Variants in RNF168 observed in about 807,000 individuals in gnomAD.
The protein encoded by RNF168 is ring finger protein 168, also known as E3 ubiquitin-protein ligase RNF168.
In RNF168, 34 loss-of-function variants were observed where a neutral mutation model predicts 34.9. The observed-to-expected ratio is 0.97, with a 90% CI of 0.74 to 1.30. The LOEUF is 1.30. RNF168 is among the 50% of genes most tolerant of loss of function. The pLI, the probability that RNF168 is intolerant of heterozygous loss-of-function variation, is 0.00. For synonymous variants in RNF168, 264 were observed against 254.7 expected (o/e 1.04, Z -0.35); for missense variants, 725 against 682.5 (o/e 1.06, Z -0.69).
chr3:196,486,768 T>C (rs766967338), intron 3 of RNF168, among the ~76,000 whole-genome samples: 4 of 152,340 alleles, frequency 2.6e-5, no homozygotes, highest in Admixed American at 6.5e-5. Flanking sequence ...ATAGCTTTCC[T>C]ACATATAAAA....
chr3:196,476,005 G>A (rs574375074), intron 4 of RNF168, among the ~76,000 whole-genome samples: 3 of 151,180 alleles, frequency 2.0e-5, no homozygotes, highest in African/African-American at 4.9e-5. Context: ...GATTACAGGC[G>A]CCCGCCACCA....
intron 4 of RNF168, among the ~76,000 whole-genome samples, chr3:196,482,232 T>C (rs1292837063): frequency 6.6e-6 from 1 of 152,176 alleles, no homozygotes; most frequent in East Asian, 1.9e-4. Flanking sequence ...CAACAAGTTG[T>C]TTAGAAATTT....
intron 3 of RNF168, 43 bp downstream of exon 3, chr3:196,487,356 A>T (rs766767442): frequency 2.6e-6 from 4 of 1,521,280 alleles, no homozygotes; most frequent in Non-Finnish European, 3.7e-6. Context: ...AGCAGCGCAT[A>T]CCAAGGGATG....
At position 196,475,551 on chromosome 3, in the gene RNF168, TC is replaced by T. The variant is rs1459189190; in HGVS notation, c.681-240del. On this transcript the variant is annotated intron_variant, in intron 4 of 5. Coordinates refer to ENST00000318037, the MANE Select transcript of RNF168 (RefSeq NM_152617.4). ...GTAAAAGTCAAATCTAAATATTTTT[TC>T]TTTTTTTTTTTTTTTTGAGATAGAG... 7.0e-3 allele frequency among the ~76,000 whole-genome samples: 658 copies of T among 93,804 alleles called. 7 individuals are homozygous for T. Among genetic ancestry groups the T allele is most frequent in the African/African-American group, 0.037 (644 of 17,180 alleles). The allele number at this position is 93,804 out of a possible 152,430, so 61.5% of individuals were successfully genotyped here.
Position 196,472,121 on chromosome 3 carries a change from C to G in RNF168, c.1414G>C (p.Asp472His), listed in dbSNP as rs760183132. ...GATGTAGCGCGTAAGTGATACTCATCTGGGGATCCTTTTTGCCGGTTTGGC... is the reference window on the plus strand; with the variant it reads ...GATGTAGCGCGTAAGTGATACTCATGTGGGGATCCTTTTTGCCGGTTTGGC... ...MVPNRQKGSP[D>H]EYHLRATSSP... Residue 472 changes from aspartate to histidine, a missense_variant, in exon 6 of 6, where the codon GAT becomes CAT. Asp to His is a moderately conservative substitution (Grantham distance 81). Coordinates refer to ENST00000318037, the MANE Select transcript of RNF168 (RefSeq NM_152617.4). 2.5e-6 allele frequency: 4 copies of G among 1,613,994 alleles called. No individual in the cohort carries two copies. Among genetic ancestry groups the G allele is most frequent in the Admixed American group, 1.7e-5 (1 of 59,984 alleles).
chr3:196,469,644 G>A lies in RNF168; in HGVS notation c.*2175C>T, dbSNP rs1195296777. On this transcript the variant is annotated 3_prime_UTR_variant, in exon 6 of 6. Transcript: ENST00000318037. ...GAAACAAAAGATCAATAGTCTCTGA[G>A]CTAAATTTCACAAAATGAAATCAGT... The A allele has an allele frequency of 1.3e-5, 2 of 152,100 alleles. No homozygotes were observed. The highest frequency in any genetic ancestry group is 2.9e-5 in the Non-Finnish European group (2 of 68,006). The allele number at this position is 152,100 out of a possible 1,614,324, so 9.4% of individuals were successfully genotyped here. A position where few individuals can be genotyped will look rare whatever the true frequency, so the allele number is the denominator to read the frequency against.
chr3:196,488,351 G>A (rs1474237253), intron 2 of RNF168, among the ~76,000 whole-genome samples: 1 of 151,580 alleles, frequency 6.6e-6, no homozygotes, highest in Non-Finnish European at 1.5e-5. Flanking sequence ...GCGTAGTGGC[G>A]GGCGCCTGTA....
chr3:196,497,773 A>C (rs1732781171), intron 1 of RNF168, among the ~76,000 whole-genome samples: 1 of 152,224 alleles, frequency 6.6e-6, no homozygotes, highest in South Asian at 2.1e-4. Flanking sequence ...TAAACTATAA[A>C]AGGAAAAATT....
intron 1 of RNF168, among the ~76,000 whole-genome samples, chr3:196,495,997 A>C (rs1056968688): frequency 2.0e-5 from 3 of 152,166 alleles, no homozygotes; most frequent in African/African-American, 7.2e-5. Context: ...CCTTCCTTCC[A>C]TAAATTAAAA....
Position 196,472,200 on chromosome 3 carries a change from C to T in RNF168, c.1335G>A (p.Gln445=). 6.2e-7 allele frequency: 1 copy of T among 1,614,004 alleles called. No individual in the cohort carries two copies. Among genetic ancestry groups the T allele is most frequent in the East Asian group, 2.2e-5 (1 of 44,888 alleles). ...LLFERHKQEE[Q]DRLLALQLQK... ...GAAGTTGTAATGCCAATAACCTGTC[C>T]TGTTCTTCTTGTTTATGTCTCTCAA... is the stretch of plus-strand genomic sequence containing the variant. The change falls in exon 6 of 6, where the codon CAG becomes CAA. Residue 445 remains glutamine (Q), a synonymous_variant. Coordinates refer to ENST00000318037, the MANE Select transcript of RNF168 (RefSeq NM_152617.4).
At chr3:196,473,264 A>G (rs1732057810) in intron 5 of RNF168, among the ~76,000 whole-genome samples, 1 of 152,218 alleles carries the variant, frequency 6.6e-6, no homozygotes, top group Non-Finnish European at 1.5e-5. Context: ...ATTTAGGTGA[A>G]GCTTACAGAC....
At chr3:196,484,596 C>G (rs754532132) in intron 3 of RNF168, among the ~76,000 whole-genome samples, 6 of 151,404 alleles carry the variant, frequency 4.0e-5, no homozygotes, top group Non-Finnish European at 7.4e-5. Context: ...ATCCTCCCAC[C>G]TTCACCTCCC....
Position 196,472,507 on chromosome 3 carries a change from G to C in RNF168, c.1028C>G (p.Thr343Ser), listed in dbSNP as rs1405466241. 2.5e-6 allele frequency: 4 copies of C among 1,614,132 alleles called. No homozygotes were observed. The highest frequency in any genetic ancestry group is 1.6e-4 in the Middle Eastern group (1 of 6,084). Residue 343 changes from threonine to serine, a missense_variant, in exon 6 of 6, where the codon ACT becomes AGT. By Grantham distance (58) the Thr-to-Ser change is moderately conservative. Coordinates refer to ENST00000318037, the MANE Select transcript of RNF168 (RefSeq NM_152617.4). The part of the protein sequence containing the change: ...PKTRVPYSKE[T>S]AVMPCGRTES... ...TGTTCTGCCACAAGGCATAACTGCA[G>C]TTTCTTTCGAGTAGGGAACTCTGGT...
rs1731977161 is a variant in RNF168, at chr3:196,470,698, C to A, written c.*1121G>T. ...CCAGACTGTCAGTCACCCCATCCAG[C>A]CTCATCTGGACCAGTTTCCGACGAC... On this transcript the variant is annotated 3_prime_UTR_variant, in exon 6 of 6. Transcript: ENST00000318037. 2.6e-5 allele frequency: 4 copies of A among 153,222 alleles called. No individual in the cohort carries two copies. The highest frequency in any genetic ancestry group is 2.0e-4 in the Admixed American group (3 of 15,246). The allele number at this position is 153,222 out of a possible 1,614,324, so 9.5% of individuals were successfully genotyped here.
intron 1 of RNF168, among the ~76,000 whole-genome samples, chr3:196,492,929 A>G (rs1577519912): frequency 6.6e-6 from 1 of 151,936 alleles, no homozygotes; most frequent in Admixed American, 6.6e-5. Flanking sequence ...GGGCAGGGGG[A>G]GTTAAGATGC....
rs1463081214 is a variant in RNF168 at position 196,503,007 on chromosome 3, C to A, written c.167G>T (p.Arg56Leu). ...GTACCGAGTCCACGACGATACCCGG[C>A]GGCGACAGAAGGGACAGCATAAACT... Reference protein sequence around the residue: ...KASLCCPFCRRRVSSWTRYHT... With the variant: ...KASLCCPFCRLRVSSWTRYHT... The change falls in exon 1 of 6, where the codon CGC becomes CTC. Residue 56 changes from arginine to leucine, a missense_variant. Arg to Leu is a moderately radical substitution (Grantham distance 102). Coordinates refer to ENST00000318037, the MANE Select transcript of RNF168 (RefSeq NM_152617.4). 4 of 1,613,896 alleles carry A rather than the reference C, an allele frequency of 2.5e-6. No individual in the cohort carries two copies. Among genetic ancestry groups the A allele is most frequent in the Non-Finnish European group, 2.5e-6 (3 of 1,179,992 alleles).
At chr3:196,494,144 G>T (rs1437116488) in intron 1 of RNF168, among the ~76,000 whole-genome samples, 1 of 152,026 alleles carries the variant, frequency 6.6e-6, no homozygotes, top group Non-Finnish European at 1.5e-5. Flanking sequence ...CCCCGCACCT[G>T]GCCTGTTTGC....
In RNF168 at chr3:196,503,104, C is replaced by G; in HGVS notation, c.70G>C (p.Val24Leu). The part of the protein sequence containing the change: ...CQCGICMEIL[V>L]EPVTLPCNHT... ...TTACACGGGAGGGTGACGGGCTCCA[C>G]GAGGATTTCCATGCAGATCCCGCAC... Residue 24 changes from valine to leucine, a missense_variant, in exon 1 of 6, where the codon GTG becomes CTG. Coordinates refer to ENST00000318037, the MANE Select transcript of RNF168 (RefSeq NM_152617.4). 1 of 1,614,052 alleles carries G rather than the reference C, an allele frequency of 6.2e-7. No homozygotes were observed. The highest frequency in any genetic ancestry group is 8.5e-7 in the Non-Finnish European group (1 of 1,179,992).
chr3:196,484,364 T>A (rs1732372401), intron 3 of RNF168, among the ~76,000 whole-genome samples: 1 of 151,142 alleles, frequency 6.6e-6, no homozygotes, highest in Non-Finnish European at 1.5e-5. Flanking sequence ...TTAGTAGAGA[T>A]GGGGTTTCAC....
Sources: allele counts gnomAD v4.1 joint callset (sites outside exome capture counted in the v4.1 genomes callset), GRCh38; gene constraint gnomAD v4.1.1; transcripts MANE v1.5; gene names NCBI Gene and HGNC (gene_info 2026-07-23, HGNC 2026-07-21).